Variants in AP2A2 observed in about 807,000 individuals in gnomAD.
AP2A2 encodes the protein AP-2 complex subunit alpha-2.
AP2A2 carries 32 observed loss-of-function variants against 104.2 expected under a neutral mutation model. The ratio of observed to expected loss-of-function variants is 0.31; its 90% confidence interval spans 0.23 to 0.41. AP2A2 has a LOEUF of 0.41. AP2A2 is among the 10% of genes least tolerant of loss of function. The pLI is 1.00. For synonymous variants in AP2A2, 539 were observed against 533.3 expected (o/e 1.01, Z -0.15); for missense variants, 912 against 1,261.0 (o/e 0.72, Z 4.19).
In AP2A2 at chr11:993,460, A is replaced by G; in HGVS notation, c.1550+79A>G. The G allele has an allele frequency of 8.5e-7, 1 of 1,178,476 alleles. No individual in the cohort carries two copies. Among genetic ancestry groups the G allele is most frequent in the Non-Finnish European group, 1.2e-6 (1 of 863,106 alleles). 73.0% of individuals were successfully genotyped at this position (1,178,476 alleles called of 1,614,324 possible). On this transcript the variant is annotated intron_variant, in intron 12 of 21. Transcript: ENST00000448903. The surrounding 1 kb of genome is among the most constrained non-coding windows in gnomAD (Gnocchi z 8.2). The stretch of plus-strand genomic sequence containing the variant: ...GGTCGGTGGCAAGAGGCGAGGCACC[A>G]GCTGGCCCTGCCGTGAGGCCTCGCA...
chr11:976,860 C>T (rs1855058416), intron 4 of AP2A2, among the ~76,000 whole-genome samples: 1 of 152,206 alleles, frequency 6.6e-6, no homozygotes, highest in South Asian at 2.1e-4. Flanking sequence ...TGCATGTGGT[C>T]GGCTGGTGGT....
chr11:989,389 T>G (rs1855572600), intron 10 of AP2A2, among the ~76,000 whole-genome samples: 1 of 151,852 alleles, frequency 6.6e-6, no homozygotes, highest in Non-Finnish European at 1.5e-5. Context: ...CTGCCTGTCC[T>G]TGCAGTGGTG....
chr11:992,778 G>T lies in AP2A2; in HGVS notation c.1452+93G>T, dbSNP rs1855704356. On this transcript the variant is annotated intron_variant, in intron 11 of 21. Transcript: ENST00000448903. The surrounding 1 kb of genome is among the most constrained non-coding windows in gnomAD (Gnocchi z 6.4). ...TCCAGCCTGCCTGCGTGGAGGTGCC[G>T]AGGGCCGTTGCTGACCCCTCTTGCC... 7.1e-7 allele frequency: 1 copy of T among 1,417,820 alleles called. No individual in the cohort carries two copies. The highest frequency in any genetic ancestry group is 9.8e-7 in the Non-Finnish European group (1 of 1,022,208). The allele number at this position is 1,417,820 out of a possible 1,614,324, so 87.8% of individuals were successfully genotyped here. A position where few individuals can be genotyped will look rare whatever the true frequency, so the allele number is the denominator to read the frequency against.
chr11:984,745 C>T lies in AP2A2; in HGVS notation c.806C>T (p.Pro269Leu). The change falls in exon 7 of 22, where the codon CCA becomes CTA. Residue 269 changes from proline to leucine, a missense_variant. Coordinates refer to ENST00000448903, the MANE Select transcript of AP2A2 (RefSeq NM_012305.4). ...CTGCTGAGACTGCTGCAGTGCTACC[C>T]ACCCCCAGGTAACGCGCAGGCCGCG... ...VKLLRLLQCYPPPDPAVRGRL... is the reference protein window; with the variant it reads ...VKLLRLLQCYLPPDPAVRGRL... 1.9e-6 allele frequency: 3 copies of T among 1,610,536 alleles called. No individual in the cohort carries two copies. Among genetic ancestry groups the T allele is most frequent in the Non-Finnish European group, 2.5e-6 (3 of 1,177,608 alleles).
At chr11:985,905 G>A (rs1373079188) in intron 8 of AP2A2, among the ~76,000 whole-genome samples, 6 of 152,210 alleles carry the variant, frequency 3.9e-5, no homozygotes, top group South Asian at 2.1e-4. Flanking sequence ...GGGTGTGCGC[G>A]CATGTCCCGT....
rs1402308073 is a variant in AP2A2 at position 1,010,742 on chromosome 11, C to CCCGCCCCG, written c.*125_*132dup. 7 of 830,160 alleles carry CCCGCCCCG rather than the reference C, an allele frequency of 8.4e-6. No homozygotes were observed. The East Asian group carries it at 1.9e-4, about 22-fold the overall frequency. The allele number at this position is 830,160 out of a possible 1,614,324, so 51.4% of individuals were successfully genotyped here. Reference sequence around the variant, plus strand: ...CCAGTGCCACAGCACAAGGCGCCTCCCCGCCCCGCCGCCCCACACCTCTCC... The same window carrying CCCGCCCCG: ...CCAGTGCCACAGCACAAGGCGCCTCCCCGCCCCGCCGCCCCGCCGCCCCACACCTCTCC... On this transcript the variant is annotated 3_prime_UTR_variant, in exon 22 of 22. Transcript: ENST00000448903.
intron 2 of AP2A2, among the ~76,000 whole-genome samples, chr11:967,403 C>G (rs552008708): frequency 6.6e-6 from 1 of 151,786 alleles, no homozygotes; most frequent in Non-Finnish European, 1.5e-5. Flanking sequence ...GCTCTGTCAC[C>G]CAGGCTGGAG....
intron 5 of AP2A2, 92 bp downstream of exon 5, chr11:977,316 C>A (rs1382849402): frequency 1.4e-6 from 2 of 1,468,410 alleles, no homozygotes; most frequent in Non-Finnish European, 1.8e-6. Context: ...TCTCGGGATG[C>A]CCAGGAGAGG....
Position 970,314 on chromosome 11 carries a change from G to A in AP2A2, c.279+3G>A, listed in dbSNP as rs1854772297. ...ACAGATACACGGAAAAGCAGATCGT[G>A]AGTATCGCTGCAGGTGGAGACGGCA... On this transcript the variant is annotated splice_donor_region_variant and intron_variant, in intron 3 of 21. Coordinates refer to ENST00000448903, the MANE Select transcript of AP2A2 (RefSeq NM_012305.4). 4 of 1,613,316 alleles carry A rather than the reference G, an allele frequency of 2.5e-6. 1 individual carries two copies. The highest frequency in any genetic ancestry group is 3.4e-6 in the Non-Finnish European group (4 of 1,179,442).
intron 1 of AP2A2, 103 bp from the exon 2 acceptor site, chr11:959,334 G>A (rs1004953604): frequency 1.3e-6 from 1 of 785,510 alleles, no homozygotes; most frequent in Non-Finnish European, 2.1e-6. Flanking sequence ...CTTGAAACGG[G>A]GCCTCATCCC....
chr11:927,510 T>TA (rs10665614), intron 1 of AP2A2, among the ~76,000 whole-genome samples: 2,657 of 131,746 alleles, frequency 0.02, 80 homozygotes, highest in African/African-American at 0.067. Context: ...TGTACTCTGT[T>TA]AAAAAAAAAA....
intron 2 of AP2A2, among the ~76,000 whole-genome samples, chr11:966,754 A>T (rs1194756188): frequency 6.6e-6 from 1 of 152,134 alleles, no homozygotes; most frequent in African/African-American, 2.4e-5. Context: ...TGGTGACCAG[A>T]TGGCTGGTGG....
chr11:983,539 T>G (rs552830390), intron 6 of AP2A2, among the ~76,000 whole-genome samples: 1 of 151,720 alleles, frequency 6.6e-6, no homozygotes, highest in Non-Finnish European at 1.5e-5. Flanking sequence ...CCCGCCACCA[T>G]GCCTGGCTAA....
At chr11:987,642 G>A (rs1027994805) in intron 9 of AP2A2, among the ~76,000 whole-genome samples, 24 of 151,710 alleles carry the variant, frequency 1.6e-4, no homozygotes, top group African/African-American at 4.6e-4. Flanking sequence ...GCGACAGAGC[G>A]AGACTCCGTC....
intron 2 of AP2A2, among the ~76,000 whole-genome samples, chr11:966,766 C>T (rs927243774): frequency 2.0e-5 from 3 of 152,132 alleles, no homozygotes; most frequent in Non-Finnish European, 4.4e-5. Flanking sequence ...GGCTGGTGGC[C>T]AGTCAGGGCA....
At chr11:942,897 T>C (rs1853703635) in intron 1 of AP2A2, among the ~76,000 whole-genome samples, 1 of 151,862 alleles carries the variant, frequency 6.6e-6, no homozygotes, top group Non-Finnish European at 1.5e-5. Context: ...GGGCTTGAGG[T>C]GGTAGAGAGC....
intron 1 of AP2A2, among the ~76,000 whole-genome samples, chr11:926,903 T>C (rs961878015): frequency 3.3e-5 from 5 of 152,100 alleles, no homozygotes; most frequent in African/African-American, 1.2e-4. Flanking sequence ...GGTGGCTGGG[T>C]GGGTGCACCG....
At chr11:964,651 A>AT (rs1056986894) in intron 2 of AP2A2, among the ~76,000 whole-genome samples, 8 of 151,256 alleles carry the variant, frequency 5.3e-5, no homozygotes, top group East Asian at 3.9e-4. Context: ...CACTTTTCCT[A>AT]TTTTTTTTTA....
chr11:934,829 A>G (rs1372531113), intron 1 of AP2A2, among the ~76,000 whole-genome samples: 2 of 151,562 alleles, frequency 1.3e-5, no homozygotes, highest in African/African-American at 4.8e-5. Flanking sequence ...CATGTAATGT[A>G]GCTGAAATAG....
Sources: gnomAD v4.1 joint callset for allele counts (sites outside exome capture counted in the v4.1 genomes callset) on GRCh38, gnomAD v4.1.1 for gene constraint, Gnocchi (gnomAD v3.1) non-coding constraint, MANE v1.5 for transcripts, NCBI Gene and HGNC (gene_info 2026-07-23, HGNC 2026-07-21) for gene names.